The following FLI1 variants were observed in gnomAD, a reference collection of about 807,000 sequenced individuals.
FLI1 encodes Fli-1 proto-oncogene, ETS transcription factor, also known as Friend leukemia integration 1 transcription factor.
A neutral mutation model predicts 53.1 loss-of-function variants in FLI1; 13 were observed. That is an observed-to-expected ratio of 0.24 (90% CI 0.16 to 0.39). The LOEUF is 0.39. Among genes scored for constraint, FLI1 ranks in the 10% least tolerant of loss-of-function variants. The pLI is 1.00. For synonymous variants in FLI1, 244 were observed against 236.7 expected (o/e 1.03, Z -0.28); for missense variants, 424 against 600.5 (o/e 0.71, Z 3.07).
chr11:128,744,192 T>C (rs1390811975), intron 1 of FLI1, among the ~76,000 whole-genome samples: 1 of 152,188 alleles, frequency 6.6e-6, no homozygotes, highest in Non-Finnish European at 1.5e-5. Context: ...GGCCATATAA[T>C]GCATCAACAA....
chr11:128,786,598 C>T (rs767267453), intron 5 of FLI1, among the ~76,000 whole-genome samples: 18 of 152,246 alleles, frequency 1.2e-4, no homozygotes, highest in African/African-American at 3.9e-4. Flanking sequence ...CTTTCCACAC[C>T]TTGTTCTCTC....
At chr11:128,686,102 C>CAGCG, upstream of FLI1, 1 of 328,766 alleles carries the variant, frequency 3.0e-6, no homozygotes, top group South Asian at 2.4e-5. Context: ...CAGGGAAGAG[C>CAGCG]AGCGCAGCTG....
chr11:128,788,022 G>T (rs1942150016), intron 5 of FLI1, among the ~76,000 whole-genome samples: 1 of 151,472 alleles, frequency 6.6e-6, no homozygotes, highest in African/African-American at 2.4e-5. Flanking sequence ...ACGTTAGCCA[G>T]GATGGTCTCG....
rs1222280898 is a variant in FLI1, at chr11:128,711,144, C to CT, written c.18+16874dup. Among the ~76,000 whole-genome samples the CT allele has an allele frequency of 2.6e-5, 4 of 152,088 alleles. No homozygotes were observed. The East Asian group carries it at 5.8e-4, about 22-fold the overall frequency. Reference sequence around the variant, plus strand: ...GAGAAAGGAAATGTAAAATTGTGTTCTTTTTTCATTAAGTCAATTAAGTTT... The same window carrying CT: ...GAGAAAGGAAATGTAAAATTGTGTTCTTTTTTTCATTAAGTCAATTAAGTTT... On this transcript the variant is annotated intron_variant, in intron 1 of 8. Coordinates refer to ENST00000527786, the MANE Select transcript of FLI1 (RefSeq NM_002017.5).
intron 2 of FLI1, among the ~76,000 whole-genome samples, chr11:128,759,754 T>C (rs529056152): frequency 2.0e-5 from 3 of 152,338 alleles, no homozygotes; most frequent in African/African-American, 7.2e-5. Flanking sequence ...GGGTAGAACA[T>C]CCAGATAAAA....
chr11:128,783,589 T>C (rs895569058), intron 5 of FLI1, among the ~76,000 whole-genome samples: 6 of 152,238 alleles, frequency 3.9e-5, no homozygotes, highest in Admixed American at 6.5e-5. Flanking sequence ...TATTTTAATA[T>C]GCTGTTGCAA....
intron 5 of FLI1, among the ~76,000 whole-genome samples, chr11:128,787,334 A>G (rs1351756229): frequency 6.6e-6 from 1 of 152,152 alleles, no homozygotes; most frequent in Non-Finnish European, 1.5e-5. Flanking sequence ...AGGCACAGAG[A>G]GATTTCAGGG....
intron 5 of FLI1, among the ~76,000 whole-genome samples, chr11:128,801,941 T>C (rs930010541): frequency 3.3e-5 from 5 of 152,044 alleles, no homozygotes; most frequent in African/African-American, 1.2e-4. Context: ...ATGTGATAAG[T>C]GAAAATGGAA....
intron 2 of FLI1, among the ~76,000 whole-genome samples, chr11:128,763,173 C>T (rs1019347318): frequency 6.6e-6 from 1 of 152,170 alleles, no homozygotes; most frequent in Admixed American, 6.5e-5. Context: ...GCACCTGAAG[C>T]TACCATGCCC....
chr11:128,741,852 G>T (rs906205178), intron 1 of FLI1, among the ~76,000 whole-genome samples: 1 of 152,100 alleles, frequency 6.6e-6, no homozygotes, highest in Non-Finnish European at 1.5e-5. Context: ...CCCTTGCTTG[G>T]TTGGTTTCTG....
In FLI1 at chr11:128,811,622, T is replaced by C. The variant is rs1942939299; in HGVS notation, c.*634T>C. 4.7e-6 allele frequency: 1 copy of C among 213,056 alleles called. No individual in the cohort carries two copies. The highest frequency in any genetic ancestry group is 5.9e-5 in the Admixed American group (1 of 17,028). 13.2% of individuals were successfully genotyped at this position (213,056 alleles called of 1,614,324 possible). A position where few individuals can be genotyped will look rare whatever the true frequency, so the allele number is the denominator to read the frequency against. The stretch of plus-strand genomic sequence containing the variant: ...AGCTGACCACTCTCTCTAGAAATAG[T>C]CAAGATATGAACTAAGAAATTTTAA... On this transcript the variant is annotated 3_prime_UTR_variant, in exon 9 of 9. Coordinates refer to ENST00000527786, the MANE Select transcript of FLI1 (RefSeq NM_002017.5).
At chr11:128,803,330 A>T (rs1323656015) in intron 5 of FLI1, among the ~76,000 whole-genome samples, 1 of 152,128 alleles carries the variant, frequency 6.6e-6, no homozygotes, top group Non-Finnish European at 1.5e-5. Context: ...AAGGTCCCAG[A>T]GTTTGCTGAG....
chr11:128,806,432 C>T (rs1942786147), intron 6 of FLI1: 1 of 152,186 alleles, frequency 6.6e-6, no homozygotes, highest in Non-Finnish European at 1.5e-5. Flanking sequence ...GCATGTCTGA[C>T]AGTCAGTGAG....
intron 2 of FLI1, 139 bp from the exon 3 acceptor site, chr11:128,767,979 C>G (rs1416949680): frequency 1.5e-6 from 1 of 678,662 alleles, no homozygotes; most frequent in Admixed American, 2.9e-5. Flanking sequence ...AAGAGGGCAT[C>G]ATCATCATCA....
chr11:128,726,317 C>G (rs1407594528), intron 1 of FLI1, among the ~76,000 whole-genome samples: 1 of 152,176 alleles, frequency 6.6e-6, no homozygotes, highest in South Asian at 2.1e-4. Context: ...GACTCCTACT[C>G]TATGGCTAGT....
chr11:128,802,852 T>G (rs1370796873), intron 5 of FLI1, among the ~76,000 whole-genome samples: 1 of 152,224 alleles, frequency 6.6e-6, no homozygotes, highest in Non-Finnish European at 1.5e-5. Context: ...AATTCCATCA[T>G]GCATTCAGAT....
At chr11:128,686,682 A>G (rs1865809754) in exon 1 of FLI1, 1 of 349,074 alleles carries the variant, frequency 2.9e-6, no homozygotes, top group South Asian at 2.1e-5. Flanking sequence ...ACAGTCCCCG[A>G]CACGTCGTCT....
chr11:128,722,780 G>A (rs540033376), intron 1 of FLI1, among the ~76,000 whole-genome samples: 1 of 152,334 alleles, frequency 6.6e-6, no homozygotes, highest in South Asian at 2.1e-4. Context: ...CCAGTGTGCA[G>A]AAAAGCCGTG....
At chr11:128,731,539 CA>C (rs1205424722) in intron 1 of FLI1, among the ~76,000 whole-genome samples, 1 of 148,246 alleles carries the variant, frequency 6.7e-6, no homozygotes, top group Non-Finnish European at 1.5e-5. Context: ...AAAAACAAAA[CA>C]AAAAACAAAA....
Sources: allele counts gnomAD v4.1 joint callset (sites outside exome capture counted in the v4.1 genomes callset), GRCh38; gene constraint gnomAD v4.1.1; transcripts MANE v1.5; gene names NCBI Gene and HGNC (gene_info 2026-07-23, HGNC 2026-07-21).